Variants in ZNF496 observed in about 807,000 individuals in gnomAD.
The protein encoded by ZNF496 is NSD1 (nuclear receptor binding SET-domain containing 1)-interacting zinc finger protein 1.
Under a neutral mutation model 58.9 loss-of-function variants are expected in ZNF496, and 11 were observed. The observed-to-expected ratio is 0.19, with a 90% CI of 0.12 to 0.31. The LOEUF is 0.31. Among genes scored for constraint, ZNF496 ranks in the 10% least tolerant of loss-of-function variants. The probability of loss-of-function intolerance (pLI) is 1.00; values close to 1 mark genes in which losing one functional copy is unlikely to be tolerated. For synonymous variants in ZNF496, 338 were observed against 318.2 expected (o/e 1.06, Z -0.66); for missense variants, 660 against 783.0 (o/e 0.84, Z 1.88).
At chr1:247,321,033 A>G (rs1659946426) in intron 6 of ZNF496, among the ~76,000 whole-genome samples, 1 of 152,082 alleles carries the variant, frequency 6.6e-6, no homozygotes, top group Non-Finnish European at 1.5e-5. Flanking sequence ...AAAATTAGCC[A>G]AGCGTGGTTG....
At chr1:247,326,083 CATATATACACACACAT>C (rs1436572217) in intron 5 of ZNF496, among the ~76,000 whole-genome samples, 119 of 148,442 alleles carry the variant, frequency 8.0e-4, no homozygotes, top group South Asian at 2.8e-3. Context: ...CACACACACA[CATATATACACACACAT>C]ATATATACAC....
chr1:247,309,753 C>A lies in ZNF496; in HGVS notation c.838G>T (p.Val280Phe), dbSNP rs144205351. Residue 280 changes from valine (V) to phenylalanine (F), a missense_variant, in exon 8 of 10, where the codon GTT (valine) becomes TTT (phenylalanine). Val to Phe is a conservative substitution (Grantham distance 50). Coordinates refer to ENST00000682384, the MANE Select transcript of ZNF496 (RefSeq NM_032752.3). The surrounding 1 kb of genome is among the most constrained non-coding windows in gnomAD (Gnocchi z 4.3). Reference protein sequence around the residue: ...LSQGEENEPRVPELQDLQGKE... With the variant: ...LSQGEENEPRFPELQDLQGKE... ...CCCTGGAGATCCTGCAACTCTGGAA[C>A]GCGTGGCTCATTCTCCTCTCCCTGG... The A allele has an allele frequency of 4.3e-6, 7 of 1,614,180 alleles. No homozygotes were observed. Among genetic ancestry groups the A allele is most frequent in the Non-Finnish European group, 5.1e-6 (6 of 1,180,042 alleles).
chr1:247,327,363 C>G (rs575458084), intron 5 of ZNF496, among the ~76,000 whole-genome samples: 3 of 152,300 alleles, frequency 2.0e-5, no homozygotes, highest in African/African-American at 7.2e-5. Flanking sequence ...CGCGCCCAAC[C>G]CCTAGCTCCT....
At position 247,308,992 on chromosome 1, in the gene ZNF496, G is replaced by T. The variant is rs972474484; in HGVS notation, c.893-404C>A. On this transcript the variant is annotated intron_variant, in intron 8 of 9. Transcript: ENST00000682384. This position sits in a 1 kb window ranked among gnomAD's most constrained non-coding sequence, Gnocchi z 4.5. ...AGCCTACAGGGTAGAGATGGTACAG[G>T]AGCTACTGCACCACACCAAGTCTCT... 4 of 215,684 alleles carry T rather than the reference G, an allele frequency of 1.9e-5. No homozygotes were observed. The highest frequency in any genetic ancestry group is 9.3e-5 in the African/African-American group (4 of 43,052). The allele number at this position is 215,684 out of a possible 1,614,324, so 13.4% of individuals were successfully genotyped here.
intron 6 of ZNF496, chr1:247,322,569 G>C (rs1659995338): frequency 2.4e-6 from 1 of 418,526 alleles, no homozygotes; most frequent in Non-Finnish European, 4.3e-6. Flanking sequence ...CTGGGCTAGA[G>C]AGAGGCGAGT....
At chr1:247,312,046 C>G (rs1010650176) in intron 6 of ZNF496, 3 of 152,222 alleles carry the variant, frequency 2.0e-5, no homozygotes, top group Non-Finnish European at 4.4e-5. Context: ...AATGGCAAAA[C>G]CTTTATCTTC....
intron 9 of ZNF496, among the ~76,000 whole-genome samples, chr1:247,304,726 G>A (rs76443600): frequency 0.01 from 1,554 of 152,150 alleles, 24 homozygotes; most frequent in African/African-American, 0.035. Context: ...TTCTTCTCTT[G>A]GATTTCTCTA....
rs199787923 is a variant in ZNF496, at chr1:247,300,788, G to C, written c.1495C>G (p.Gln499Glu). The C allele has an allele frequency of 8.7e-6, 14 of 1,601,886 alleles. 1 individual carries two copies. In the East Asian group the frequency reaches 2.5e-4, roughly 28 times the overall value. Residue 499 changes from glutamine to glutamate, a missense_variant, in exon 10 of 10, where the codon CAG becomes GAG. By Grantham distance (29) the Gln-to-Glu change is conservative. Transcript: ENST00000682384. This position sits in a 1 kb window ranked among gnomAD's most constrained non-coding sequence, Gnocchi z 5.7. The stretch of plus-strand genomic sequence containing the variant: ...TTGTCCGCGTCCTCGGATGCCGCCT[G>C]CTCTCTCTTCTCCACCGGCTGGAGT... The part of the protein sequence containing the change: ...DRLQPVEKRE[Q>E]AASEDADKGP...
chr1:247,326,726 T>C (rs1329927690), intron 5 of ZNF496, among the ~76,000 whole-genome samples: 3 of 152,126 alleles, frequency 2.0e-5, no homozygotes, highest in Admixed American at 6.5e-5. Context: ...TATTTGGAGA[T>C]AGGGTCTTTA....
chr1:247,303,632 T>C (rs1287846732), intron 9 of ZNF496, among the ~76,000 whole-genome samples: 2 of 152,118 alleles, frequency 1.3e-5, no homozygotes, highest in African/African-American at 4.8e-5. Context: ...AAACAGAAAT[T>C]GTAAGTAAGG....
In ZNF496 at chr1:247,322,671, A is replaced by G. The variant is rs1463674725; in HGVS notation, c.651+483T>C. On this transcript the variant is annotated intron_variant, in intron 6 of 9. Coordinates refer to ENST00000682384, the MANE Select transcript of ZNF496 (RefSeq NM_032752.3). ...CTTACACAAAAACACGAACGAGAAC[A>G]TTCGAGGAAATTCTGGAATGACTCA... 4 of 1,267,124 alleles carry G rather than the reference A, an allele frequency of 3.2e-6. No individual in the cohort carries two copies. The East Asian group carries it at 2.2e-4, about 71-fold the overall frequency. The allele number at this position is 1,267,124 out of a possible 1,614,324, so 78.5% of individuals were successfully genotyped here.
intron 6 of ZNF496, among the ~76,000 whole-genome samples, chr1:247,315,485 T>C (rs1379760686): frequency 6.6e-6 from 1 of 152,244 alleles, no homozygotes; most frequent in Non-Finnish European, 1.5e-5. Flanking sequence ...TGGATCATTA[T>C]TGTTTTAATG....
intron 9 of ZNF496, among the ~76,000 whole-genome samples, chr1:247,303,853 G>A (rs531619292): frequency 1.3e-5 from 2 of 152,296 alleles, no homozygotes. Context: ...CACCAAGAGT[G>A]TGGCTGGCTC....
chr1:247,304,653 C>G (rs879449078), intron 9 of ZNF496, among the ~76,000 whole-genome samples: 1 of 151,876 alleles, frequency 6.6e-6, no homozygotes, highest in East Asian at 1.9e-4. Context: ...ATTATAGGCA[C>G]GAGCCACACC....
intron 6 of ZNF496, among the ~76,000 whole-genome samples, chr1:247,316,134 G>GA (rs1659758482): frequency 9.2e-6 from 1 of 108,576 alleles, no homozygotes; most frequent in South Asian, 3.0e-4. Flanking sequence ...CCTGGGAGAG[G>GA]GGTGTGTGTG....
At chr1:247,330,460 T>C (rs1660285132) in intron 2 of ZNF496, among the ~76,000 whole-genome samples, 1 of 152,158 alleles carries the variant, frequency 6.6e-6, no homozygotes, top group African/African-American at 2.4e-5. Flanking sequence ...GGTCCGTCAC[T>C]GCACAGCTCA....
chr1:247,320,072 A>G (rs552210067), intron 6 of ZNF496, among the ~76,000 whole-genome samples: 1 of 152,390 alleles, frequency 6.6e-6, no homozygotes, highest in South Asian at 2.1e-4. Context: ...ACATCAGATA[A>G]GAGTACTTTC....
intron 6 of ZNF496, chr1:247,313,862 G>GTGT (rs1372655678): frequency 6.6e-6 from 1 of 152,194 alleles, no homozygotes; most frequent in Non-Finnish European, 1.5e-5. Context: ...TCTTCAAAGT[G>GTGT]TGTTGTTGCA....
intron 6 of ZNF496, among the ~76,000 whole-genome samples, chr1:247,316,202 TGCGC>T (rs1329727940): frequency 7.5e-5 from 2 of 26,804 alleles, no homozygotes; most frequent in Non-Finnish European, 1.0e-4. Context: ...TGTGTGTGTG[TGCGC>T]GCGCGTGCGC....
Sources: allele counts gnomAD v4.1 joint callset (sites outside exome capture counted in the v4.1 genomes callset), GRCh38; gene constraint gnomAD v4.1.1; non-coding constraint Gnocchi (gnomAD v3.1); transcripts MANE v1.5; gene names NCBI Gene and HGNC (gene_info 2026-07-23, HGNC 2026-07-21).